The following PAG1 variants were observed in gnomAD, a reference collection of about 807,000 sequenced individuals.
PAG1 encodes the protein phosphoprotein associated with glycosphingolipid-enriched microdomains 1.
PAG1 carries 23 observed loss-of-function variants against 31.7 expected under a neutral mutation model. The ratio of observed to expected loss-of-function variants is 0.73; its 90% CI spans 0.52 to 1.03. The LOEUF is 1.03. Among genes scored for constraint, PAG1 ranks in the 50% least tolerant of loss-of-function variants. PAG1 has a pLI of 0.00. For synonymous variants in PAG1, 214 were observed against 210.3 expected, an observed-to-expected ratio of 1.02 and a Z score of -0.15; for missense variants, 473 against 540.7, an observed-to-expected ratio of 0.87 and a Z score of 1.24.
At chr8:81,040,563 T>C (rs910448117) in intron 2 of PAG1, among the ~76,000 whole-genome samples, 5 of 152,000 alleles carry the variant, frequency 3.3e-5, no homozygotes, top group Non-Finnish European at 7.3e-5. Flanking sequence ...GTGGAATATT[T>C]ATGATATAGC....
At chr8:81,057,163 G>A (rs1282335778) in intron 2 of PAG1, among the ~76,000 whole-genome samples, 2 of 152,156 alleles carry the variant, frequency 1.3e-5, no homozygotes, top group South Asian at 2.1e-4. Flanking sequence ...ACAGTGTGGC[G>A]ATTCCTCAAG....
intron 1 of PAG1, among the ~76,000 whole-genome samples, chr8:81,103,847 C>T (rs756352473): frequency 2.2e-4 from 34 of 152,130 alleles, no homozygotes; most frequent in South Asian, 1.0e-3. Flanking sequence ...GAGATATGCC[C>T]GCTATGGGGA....
intron 5 of PAG1, among the ~76,000 whole-genome samples, chr8:80,989,909 T>C (rs60844537): frequency 0.19 from 28,646 of 152,060 alleles, 3,235 homozygotes; most frequent in East Asian, 0.51. Flanking sequence ...AAGTGAGGAA[T>C]GGCGGTGGGA....
intron 3 of PAG1, among the ~76,000 whole-genome samples, chr8:81,001,265 G>A (rs1441217634): frequency 6.6e-6 from 1 of 152,214 alleles, no homozygotes; most frequent in Non-Finnish European, 1.5e-5. Context: ...GACCTATCTG[G>A]TTCATAACTG....
chr8:81,013,716 A>AT (rs1441040718), intron 3 of PAG1, among the ~76,000 whole-genome samples: 1 of 152,082 alleles, frequency 6.6e-6, no homozygotes, highest in Non-Finnish European at 1.5e-5. Flanking sequence ...AGTAGCTGGG[A>AT]TTATAGGTGT....
Position 81,010,056 on chromosome 8 carries a change from T to C in PAG1, c.-80-16749A>G, listed in dbSNP as rs116584498. Among the ~76,000 whole-genome samples, 990 of 152,350 alleles carry C rather than the reference T, an allele frequency of 6.5e-3. 5 individuals are homozygous for C. The highest frequency in any genetic ancestry group is 0.023 in the African/African-American group (948 of 41,566). On this transcript the variant is annotated intron_variant, in intron 3 of 8. Transcript: ENST00000220597. The stretch of plus-strand genomic sequence containing the variant: ...TGTTTGGGGCTGAGAATCACTGAGC[T>C]AGACTATTCATTCATATTTCTAAAC...
At chr8:81,007,627 ACT>A (rs1266509455) in intron 3 of PAG1, among the ~76,000 whole-genome samples, 6 of 106,218 alleles carry the variant, frequency 5.6e-5, no homozygotes, top group Admixed American at 4.3e-4. Flanking sequence ...ACAGAGCAAG[ACT>A]CTGTCTCAAA....
intron 2 of PAG1, among the ~76,000 whole-genome samples, chr8:81,057,779 G>A (rs984342856): frequency 7.9e-5 from 12 of 152,152 alleles, no homozygotes; most frequent in African/African-American, 2.9e-4. Context: ...TGGAAAAATA[G>A]TATCACTGGT....
At chr8:81,031,946 G>A (rs183630075) in intron 2 of PAG1, among the ~76,000 whole-genome samples, 2 of 152,286 alleles carry the variant, frequency 1.3e-5, no homozygotes, top group Admixed American at 1.3e-4. Context: ...TGGCAAGGGT[G>A]CCAAGACTAT....
intron 1 of PAG1, among the ~76,000 whole-genome samples, chr8:81,100,641 C>A (rs962938366): frequency 2.0e-5 from 3 of 152,184 alleles, no homozygotes; most frequent in Non-Finnish European, 2.9e-5. Context: ...AAACCGATGG[C>A]GGACGCATTT....
At position 80,987,390 on chromosome 8, in the gene PAG1, C is replaced by A; in HGVS notation, c.254G>T (p.Gly85Val). ...TDAPASSEQN[G>V]ALTNGDILSE... ...CTTACTGTCCCCATTGGTGAGTGCC[C>A]CATTCTGCTCACTGCTGGCAGGAGC... The change falls in exon 6 of 9, where the codon GGG becomes GTG. Residue 85 changes from glycine to valine, a missense_variant. By Grantham distance (109) the Gly-to-Val change is moderately radical. Coordinates refer to ENST00000220597, the MANE Select transcript of PAG1 (RefSeq NM_018440.4). The A allele has an allele frequency of 6.2e-7, 1 of 1,612,228 alleles. No homozygotes were observed. The highest frequency in any genetic ancestry group is 8.5e-7 in the Non-Finnish European group (1 of 1,178,308).
intron 8 of PAG1, among the ~76,000 whole-genome samples, chr8:80,979,118 G>T (rs1166946895): frequency 1.3e-5 from 2 of 152,192 alleles, no homozygotes; most frequent in African/African-American, 4.8e-5. Context: ...ATGTCTGTGA[G>T]TCATAGTTCT....
chr8:81,012,152 T>C lies in PAG1; in HGVS notation c.-81+17844A>G, dbSNP rs146487059. 2.7e-3 allele frequency among the ~76,000 whole-genome samples: 405 copies of C among 152,340 alleles called. 4 individuals carry two copies. The highest frequency in any genetic ancestry group is 9.3e-3 in the African/African-American group (386 of 41,570). ...AGTGGACTCATTATAGCCTGGGATCTTTTGTTAGTAATCTTATCCTTCCAT... is the reference window on the plus strand; with the variant it reads ...AGTGGACTCATTATAGCCTGGGATCCTTTGTTAGTAATCTTATCCTTCCAT... On this transcript the variant is annotated intron_variant, in intron 3 of 8. Coordinates refer to ENST00000220597, the MANE Select transcript of PAG1 (RefSeq NM_018440.4).
At chr8:81,093,127 T>C (rs551800509) in intron 1 of PAG1, among the ~76,000 whole-genome samples, 1 of 152,210 alleles carries the variant, frequency 6.6e-6, no homozygotes, top group African/African-American at 2.4e-5. Context: ...GCTGACAGCA[T>C]ACAGCCTTCT....
intron 3 of PAG1, among the ~76,000 whole-genome samples, chr8:81,026,500 T>G (rs958856030): frequency 3.3e-5 from 5 of 150,258 alleles, no homozygotes; most frequent in African/African-American, 1.2e-4. Flanking sequence ...TAGGGCATCC[T>G]CCCCCGAGCC....
At chr8:80,995,280 G>A (rs1586152580) in intron 3 of PAG1, among the ~76,000 whole-genome samples, 1 of 152,212 alleles carries the variant, frequency 6.6e-6, no homozygotes, top group East Asian at 1.9e-4. Flanking sequence ...TATAAATGCA[G>A]GACTCCCTGC....
chr8:81,042,649 A>AG (rs1420720432), intron 2 of PAG1, among the ~76,000 whole-genome samples: 1 of 152,034 alleles, frequency 6.6e-6, no homozygotes, highest in Non-Finnish European at 1.5e-5. Flanking sequence ...TAAAAGAGAA[A>AG]GGGGGGTGAG....
chr8:81,079,711 T>C (rs1320257113), intron 1 of PAG1, among the ~76,000 whole-genome samples: 1 of 128,310 alleles, frequency 7.8e-6, no homozygotes, highest in Non-Finnish European at 1.5e-5. Context: ...GAAGAAATAC[T>C]TATTATTATT....
chr8:81,084,793 C>T (rs531620071), intron 1 of PAG1, among the ~76,000 whole-genome samples: 12 of 152,244 alleles, frequency 7.9e-5, no homozygotes, highest in Non-Finnish European at 1.3e-4. Context: ...GATATTAGAG[C>T]AGACAAGTGC....
Sources: allele counts gnomAD v4.1 joint callset (sites outside exome capture counted in the v4.1 genomes callset), GRCh38; gene constraint gnomAD v4.1.1; transcripts MANE v1.5; gene names NCBI Gene and HGNC (gene_info 2026-07-23, HGNC 2026-07-21).